KIAA1217: variants seen among roughly 807,000 people sequenced by gnomAD.
KIAA1217 encodes the protein sickle tail protein homolog.
A neutral mutation model predicts 163.9 loss-of-function variants in KIAA1217; 88 were observed. The ratio of observed to expected loss-of-function variants is 0.54; its 90% CI spans 0.45 to 0.64. KIAA1217 has a LOEUF of 0.64. Ranked by LOEUF, KIAA1217 falls within the 30% of genes least tolerant of loss-of-function variation. The probability of loss-of-function intolerance (pLI) is 0.00; values close to 1 mark genes in which losing one functional copy is unlikely to be tolerated. For synonymous variants in KIAA1217, 903 were observed against 923.1 expected (o/e 0.98, Z 0.39); for missense variants, 2,372 against 2,475.0 (o/e 0.96, Z 0.88).
intron 2 of KIAA1217, among the ~76,000 whole-genome samples, chr10:24,115,653 G>A (rs2063022949): frequency 6.6e-6 from 1 of 152,192 alleles, no homozygotes; most frequent in South Asian, 2.1e-4. Flanking sequence ...GCTCCCAGTA[G>A]CTCTAAGAGC....
Position 24,543,768 on chromosome 10 carries a change from C to A in KIAA1217, c.4498C>A (p.Gln1500Lys), listed in dbSNP as rs1208374891. ...DSVVQNNNTS[Q>K]MSHKKVAPGN... ...TGTAGTCCAGAATAATAACACTTCC[C>A]AGATGTCTCATAAGAAGGTGGCCCC... Residue 1500 changes from glutamine (Q) to lysine (K), a missense_variant, in exon 19 of 21, where the codon CAG becomes AAG. Coordinates refer to ENST00000376454, the MANE Select transcript of KIAA1217 (RefSeq NM_019590.5). The A allele has an allele frequency of 6.2e-7, 1 of 1,613,284 alleles. No homozygotes were observed. Among genetic ancestry groups the A allele is most frequent in the African/African-American group, 1.3e-5 (1 of 74,934 alleles).
chr10:24,510,635 CTCATTCCCGCCCCCT>C (rs1198054272), intron 9 of KIAA1217, among the ~76,000 whole-genome samples: 7 of 152,192 alleles, frequency 4.6e-5, no homozygotes, highest in Admixed American at 3.3e-4. Context: ...CCTGTCATCA[CTCATTCCCGCCCCCT>C]TCAAAGGCAG....
rs138853775 is a variant in KIAA1217, at chr10:24,219,772, C to T, written c.217C>T (p.Arg73Ter). The change falls in exon 2 of 21, where the codon CGA (arginine) becomes TGA (stop). Residue 73 changes from arginine to a stop codon, truncating the protein, a stop_gained. Transcript: ENST00000376454. LOFTEE classifies it high-confidence loss of function. ...AAGGAGACACACCCTAGGGGGGCCCCGAAGTTCCAAGGAAATACTGGGAAT... is the reference window on the plus strand; with the variant it reads ...AAGGAGACACACCCTAGGGGGGCCCTGAAGTTCCAAGGAAATACTGGGAAT... ...IPRRHTLGGP[R>*]SSKEILGMQT... 4 of 1,613,738 alleles carry T rather than the reference C, an allele frequency of 2.5e-6. No homozygotes were observed. Among genetic ancestry groups the T allele is most frequent in the African/African-American group, 1.3e-5 (1 of 74,870 alleles).
chr10:24,059,136 A>G (rs1203363534), intron 2 of KIAA1217, among the ~76,000 whole-genome samples: 7 of 152,164 alleles, frequency 4.6e-5, no homozygotes, highest in African/African-American at 1.7e-4. Context: ...TGAGATGAGC[A>G]TGTGATTTTT....
intron 1 of KIAA1217, among the ~76,000 whole-genome samples, chr10:23,920,898 A>G (rs1354542346): frequency 1.3e-5 from 2 of 152,152 alleles, no homozygotes; most frequent in Non-Finnish European, 2.9e-5. Flanking sequence ...TGTTCTTGTG[A>G]TAGAGAATAA....
At chr10:24,386,879 C>T (rs1345162465) in intron 3 of KIAA1217, among the ~76,000 whole-genome samples, 3 of 152,076 alleles carry the variant, frequency 2.0e-5, no homozygotes, top group Non-Finnish European at 2.9e-5. Flanking sequence ...GCACCTGGCC[C>T]AAAAGATAAA....
intron 2 of KIAA1217, among the ~76,000 whole-genome samples, chr10:24,302,140 G>A (rs558405858): frequency 9.2e-5 from 14 of 152,308 alleles, no homozygotes; most frequent in Middle Eastern, 3.4e-3. Context: ...GGTTGGACAG[G>A]AGAACCACTA....
intron 1 of KIAA1217, among the ~76,000 whole-genome samples, chr10:24,213,095 C>T (rs2068361120): frequency 6.6e-6 from 1 of 152,104 alleles, no homozygotes; most frequent in African/African-American, 2.4e-5. Context: ...ATATGATCAC[C>T]CTAAGAATAG....
chr10:24,515,366 C>T (rs2069933300), intron 10 of KIAA1217, among the ~76,000 whole-genome samples: 1 of 152,142 alleles, frequency 6.6e-6, no homozygotes, highest in Non-Finnish European at 1.5e-5. Flanking sequence ...CCACGCCCGG[C>T]CAGTAAATTT....
At chr10:24,251,494 C>T (rs1380801029) in intron 2 of KIAA1217, among the ~76,000 whole-genome samples, 3 of 150,920 alleles carry the variant, frequency 2.0e-5, no homozygotes, top group African/African-American at 7.3e-5. Context: ...GAAAGGCCTG[C>T]ACAATGGAGT....
At chr10:24,541,579 T>C (rs2075093715) in intron 17 of KIAA1217, among the ~76,000 whole-genome samples, 1 of 152,156 alleles carries the variant, frequency 6.6e-6, no homozygotes, top group Non-Finnish European at 1.5e-5. Context: ...TTGTGCTCCA[T>C]CCTGCTATAA....
intron 2 of KIAA1217, among the ~76,000 whole-genome samples, chr10:24,012,568 T>G (rs1353332381): frequency 6.6e-6 from 1 of 152,218 alleles, no homozygotes; most frequent in Non-Finnish European, 1.5e-5. Flanking sequence ...TCAAGGCTGG[T>G]GGGTAAAATT....
At position 24,397,352 on chromosome 10, in the gene KIAA1217, T is replaced by G. The variant is rs147120953; in HGVS notation, c.553+16285T>G. On this transcript the variant is annotated intron_variant, in intron 3 of 20. Transcript: ENST00000376454. ...ATCCACCCGGCTTGGCCTCCCAAAG[T>G]GCTGGGATTACAGGCGTGAACCACT... 6.6e-4 allele frequency among the ~76,000 whole-genome samples: 100 copies of G among 152,244 alleles called. 1 individual carries two copies. The highest frequency in any genetic ancestry group is 3.4e-3 in the Middle Eastern group (1 of 294).
chr10:24,139,982 A>G (rs2063986625), intron 2 of KIAA1217, among the ~76,000 whole-genome samples: 1 of 152,168 alleles, frequency 6.6e-6, no homozygotes, highest in Middle Eastern at 3.4e-3. Flanking sequence ...TGTTCTTCCC[A>G]TAGATCTTGG....
chr10:23,708,580 C>T (rs1837035398), intron 1 of KIAA1217, among the ~76,000 whole-genome samples: 1 of 152,090 alleles, frequency 6.6e-6, no homozygotes, highest in African/African-American at 2.4e-5. Flanking sequence ...GGGCAAGATG[C>T]CAAGTAGAGG....
rs181845129 is a variant in KIAA1217 at position 24,240,989 on chromosome 10, G to A, written c.354+21080G>A. Among the ~76,000 whole-genome samples the A allele has an allele frequency of 4.0e-3, 602 of 152,150 alleles. 4 individuals carry two copies. The highest frequency in any genetic ancestry group is 5.7e-3 in the Non-Finnish European group (389 of 68,012). ...TCCCACCTCAGCCTCCTGACTACTG[G>A]TGCATGCCACTGTGCCAGGCTAATT... On this transcript the variant is annotated intron_variant, in intron 2 of 20. Coordinates refer to ENST00000376454, the MANE Select transcript of KIAA1217 (RefSeq NM_019590.5).
At position 23,818,000 on chromosome 10, in the gene KIAA1217, T is replaced by TATATATACAC. The variant is rs1588881843; in HGVS notation, c.-321+122773_-321+122774insCACATATATA. Among the ~76,000 whole-genome samples, 35 of 103,212 alleles carry TATATATACAC rather than the reference T, an allele frequency of 3.4e-4. 2 individuals carry two copies. The East Asian group carries it at 8.8e-3, about 26-fold the overall frequency. The allele number at this position is 103,212 out of a possible 152,430, so 67.7% of individuals were successfully genotyped here. ...ATATATATATATATATATATATATA[T>TATATATACAC]ATATATATACACACATATATATACA... On this transcript the variant is annotated intron_variant, in intron 1 of 18. Coordinates refer to the KIAA1217 transcript ENST00000376462.
chr10:23,700,428 ATAC>A (rs1836362661), intron 1 of KIAA1217, among the ~76,000 whole-genome samples: 1 of 152,150 alleles, frequency 6.6e-6, no homozygotes, highest in South Asian at 2.1e-4. Context: ...AGCCACAGCA[ATAC>A]TACTAACACA....
intron 5 of KIAA1217, among the ~76,000 whole-genome samples, chr10:24,447,120 T>C (rs1015670454): frequency 1.3e-5 from 2 of 152,164 alleles, no homozygotes; most frequent in Non-Finnish European, 2.9e-5. Context: ...TTCACCTCCC[T>C]GCCCCGCTCT....
Sources: gnomAD v4.1 joint callset for allele counts (sites outside exome capture counted in the v4.1 genomes callset) on GRCh38, gnomAD v4.1.1 for gene constraint, MANE v1.5 for transcripts, NCBI Gene and HGNC (gene_info 2026-07-23, HGNC 2026-07-21) for gene names.